BRD7: variants seen among roughly 807,000 people sequenced by gnomAD.
The protein encoded by BRD7 is bromodomain-containing protein 7.
In BRD7, 15 loss-of-function variants were observed where a neutral mutation model predicts 82.1. That is an observed-to-expected ratio of 0.18 (90% CI 0.12 to 0.28). The LOEUF is 0.28. Ranked by LOEUF, BRD7 falls within the 10% of genes least tolerant of loss-of-function variation. The pLI is 1.00. For missense variants in BRD7, 638 were observed against 779.9 expected, an observed-to-expected ratio of 0.82 and a Z score of 2.17; for synonymous variants, 232 against 266.9, an observed-to-expected ratio of 0.87 and a Z score of 1.27.
chr16:50,349,193 CAAT>C (rs2151185762), intron 5 of BRD7: 1 of 171,094 alleles, frequency 5.8e-6, no homozygotes, highest in African/African-American at 2.5e-5. Context: ...GGGAATTGAA[CAAT>C]GAGAACACCT....
At chr16:50,366,813 T>TA (rs567287523) in intron 2 of BRD7, among the ~76,000 whole-genome samples, 3,027 of 151,936 alleles carry the variant, frequency 0.02, 41 homozygotes, top group Middle Eastern at 0.065. Flanking sequence ...TACTATTAAT[T>TA]AAAAAAAACA....
chr16:50,333,922 A>G (rs2037681184), intron 7 of BRD7, among the ~76,000 whole-genome samples: 1 of 152,176 alleles, frequency 6.6e-6, no homozygotes, highest in South Asian at 2.1e-4. Context: ...GTCCAGTGTT[A>G]CTTGTGTTAA....
intron 2 of BRD7, among the ~76,000 whole-genome samples, chr16:50,357,181 A>G (rs2038767968): frequency 6.6e-6 from 1 of 152,240 alleles, no homozygotes; most frequent in Non-Finnish European, 1.5e-5. Context: ...ATCTGCAGGT[A>G]TGGGGTAGAG....
chr16:50,337,520 A>G (rs2037859684), intron 6 of BRD7, among the ~76,000 whole-genome samples: 1 of 152,192 alleles, frequency 6.6e-6, no homozygotes, highest in Admixed American at 6.5e-5. Context: ...TCAGCCTCCC[A>G]AAGTGTTGGG....
At chr16:50,330,336 A>ATTTTTTTTTTT (rs1567604853) in intron 8 of BRD7, among the ~76,000 whole-genome samples, 1 of 139,770 alleles carries the variant, frequency 7.2e-6, no homozygotes. Flanking sequence ...AAAAGAGGAC[A>ATTTTTTTTTTT]CTTTTTTTTT....
chr16:50,319,763 G>A, intron 16 of BRD7, 124 bp downstream of exon 16: 1 of 1,253,368 alleles, frequency 8.0e-7, no homozygotes, highest in South Asian at 1.5e-5. Flanking sequence ...AGCATCTACA[G>A]ATTTTGCTAT....
intron 2 of BRD7, among the ~76,000 whole-genome samples, chr16:50,363,665 G>GCA (rs2039022864): frequency 1.7e-5 from 1 of 58,808 alleles, no homozygotes; most frequent in African/African-American, 3.9e-5. Context: ...GTGTGTGCGC[G>GCA]CGCGCGCGTG....
At position 50,358,535 on chromosome 16, in the gene BRD7, A is replaced by G. The variant is rs549283954; in HGVS notation, c.259-3613T>C. 2.6e-5 allele frequency among the ~76,000 whole-genome samples: 4 copies of G among 151,746 alleles called. No individual in the cohort carries two copies. In the East Asian group the frequency reaches 7.7e-4, roughly 29 times the overall value. ...AAGAACAAAAAGAATAAAGTAAAAA[A>G]CCACTCTGTGACCTTAGGCAATTCA... is the stretch of plus-strand genomic sequence containing the variant. On this transcript the variant is annotated intron_variant, in intron 2 of 16. Transcript: ENST00000394688.
intron 5 of BRD7, among the ~76,000 whole-genome samples, chr16:50,346,587 C>T (rs1325386832): frequency 4.6e-5 from 7 of 152,096 alleles, no homozygotes; most frequent in Non-Finnish European, 5.9e-5. Context: ...AAGGGGATAT[C>T]GCCACTGATC....
At chr16:50,361,339 T>C (rs1397783610) in intron 2 of BRD7, among the ~76,000 whole-genome samples, 1 of 152,218 alleles carries the variant, frequency 6.6e-6, no homozygotes, top group Admixed American at 6.5e-5. Flanking sequence ...TGTTAATGCT[T>C]TTGAGTAAAA....
intron 3 of BRD7, 132 bp from the exon 4 acceptor site, chr16:50,354,614 A>C (rs2038662813): frequency 8.4e-7 from 1 of 1,197,594 alleles, no homozygotes; most frequent in Admixed American, 2.4e-5. Flanking sequence ...AAATATATTG[A>C]AGTTTGAGAG....
intron 5 of BRD7, among the ~76,000 whole-genome samples, chr16:50,341,955 C>CACAA (rs2038079495): frequency 1.3e-5 from 2 of 151,328 alleles, no homozygotes; most frequent in Non-Finnish European, 2.9e-5. Context: ...CACACACACA[C>CACAA]ACACACACAC....
At chr16:50,345,887 A>G (rs964178879) in intron 5 of BRD7, among the ~76,000 whole-genome samples, 1 of 152,218 alleles carries the variant, frequency 6.6e-6, no homozygotes, top group African/African-American at 2.4e-5. Flanking sequence ...AAGGATATCC[A>G]GGAATTGAAC....
rs755264612 is a variant in BRD7, at chr16:50,325,841, T to C, written c.1238A>G (p.His413Arg). 3 of 1,612,412 alleles carry C rather than the reference T, an allele frequency of 1.9e-6. No homozygotes were observed. The highest frequency in any genetic ancestry group is 2.5e-6 in the Non-Finnish European group (3 of 1,179,640). Residue 413 changes from histidine (H) to arginine (R), a missense_variant, in exon 11 of 17, where the codon CAT becomes CGT. Around this residue, in one of 3 missense-constraint regions of BRD7, gnomAD observed 402 missense variants for 500.8 expected, o/e 0.80. Coordinates refer to ENST00000394688, the MANE Select transcript of BRD7 (RefSeq NM_013263.5). The part of the protein sequence containing the change: ...NYGPYSSYAP[H>R]YDSTFANISK... ...GATATTTGCAAATGTGGAGTCATAA[T>C]GCGGTGCATAAGAACTGTAGGGCCC...
At chr16:50,350,189 A>T in intron 4 of BRD7, 22 bp from the exon 5 acceptor site, 1 of 1,521,890 alleles carries the variant, frequency 6.6e-7, no homozygotes, top group South Asian at 1.3e-5. Flanking sequence ...TGCAAAAGAC[A>T]ATGTAATATT....
At position 50,342,016 on chromosome 16, in the gene BRD7, T is replaced by C. The variant is rs569299709; in HGVS notation, c.592-1930A>G. Among the ~76,000 whole-genome samples the C allele has an allele frequency of 4.0e-5, 6 of 151,800 alleles. No individual in the cohort carries two copies. The South Asian group carries it at 6.2e-4, about 16-fold the overall frequency. On this transcript the variant is annotated intron_variant, in intron 5 of 16. Coordinates refer to ENST00000394688, the MANE Select transcript of BRD7 (RefSeq NM_013263.5). ...ACTGAATAAATATTACTTTAGGCCG[T>C]TGAGCTTTCCCTAGAAAAAAGTGGC...
intron 5 of BRD7, 30 bp downstream of exon 5, chr16:50,349,993 G>A: frequency 6.7e-7 from 1 of 1,490,900 alleles, no homozygotes; most frequent in Non-Finnish European, 8.9e-7. Context: ...TTTCTACCAA[G>A]ATTTTGTGTA....
chr16:50,330,452 TA>T (rs2037517208), intron 8 of BRD7, among the ~76,000 whole-genome samples: 1 of 151,478 alleles, frequency 6.6e-6, no homozygotes, highest in East Asian at 1.9e-4. Context: ...TGTTTTCAGG[TA>T]ATGGTGTTTA....
intron 1 of BRD7, 62 bp from the exon 2 acceptor site, chr16:50,368,360 G>A (rs1173312207): frequency 1.2e-5 from 19 of 1,538,528 alleles, no homozygotes; most frequent in Non-Finnish European, 1.6e-5. Context: ...TCTCCAGGGA[G>A]TGCTAAGGAT....
Sources: gnomAD v4.1 joint callset for allele counts (sites outside exome capture counted in the v4.1 genomes callset) on GRCh38, gnomAD v4.1.1 for gene constraint, gnomAD v4.1.1 regional missense constraint, MANE v1.5 for transcripts, NCBI Gene and HGNC (gene_info 2026-07-23, HGNC 2026-07-21) for gene names.